Variants in GPR158 observed in about 807,000 individuals in gnomAD.
GPR158 encodes the protein metabotropic glycine receptor.
A neutral mutation model predicts 78.2 loss-of-function variants in GPR158; 30 were observed. The ratio of observed to expected loss-of-function variants is 0.38; its 90% CI spans 0.29 to 0.52. The LOEUF (loss-of-function observed/expected upper bound fraction) is 0.52, where lower values mean the gene tolerates loss of function less well. GPR158 is among the 20% of genes least tolerant of loss of function. The pLI, the probability that GPR158 is intolerant of heterozygous loss-of-function variation, is 0.83. For synonymous variants in GPR158, 581 were observed against 591.1 expected (o/e 0.98, Z 0.25); for missense variants, 1,463 against 1,523.5 (o/e 0.96, Z 0.66).
chr10:25,328,327 CTTTA>C (rs1257843660), intron 2 of GPR158, among the ~76,000 whole-genome samples: 1 of 152,116 alleles, frequency 6.6e-6, no homozygotes, highest in African/African-American at 2.4e-5. Flanking sequence ...TATTGATAAA[CTTTA>C]TTTAGTATCT....
rs1013210699 is a variant in GPR158, at chr10:25,455,357, CAG to C, written c.1336-11292_1336-11291del. The stretch of plus-strand genomic sequence containing the variant: ...TAGTTCAGCTTTTGATAAGGTTAAA[CAG>C]AATTGCTTTTAAAAAAATCTGTTAT... On this transcript the variant is annotated intron_variant, in intron 4 of 10. Coordinates refer to ENST00000376351, the MANE Select transcript of GPR158 (RefSeq NM_020752.3). Among the ~76,000 whole-genome samples, 18 of 152,264 alleles carry C rather than the reference CAG, an allele frequency of 1.2e-4. 1 individual carries two copies. Among genetic ancestry groups the C allele is most frequent in the Middle Eastern group, 3.4e-3 (1 of 294 alleles).
rs567637630 is a variant in GPR158, at chr10:25,334,199, G to A, written c.1009-61712G>A. Reference sequence around the variant, plus strand: ...AAAATGACAATTAGAAGTTAAAGTAGATGTATTTTAAGTTTTGGCATACGT... The same window carrying A: ...AAAATGACAATTAGAAGTTAAAGTAAATGTATTTTAAGTTTTGGCATACGT... On this transcript the variant is annotated intron_variant, in intron 2 of 10. Coordinates refer to ENST00000376351, the MANE Select transcript of GPR158 (RefSeq NM_020752.3). Among the ~76,000 whole-genome samples, 3 of 152,130 alleles carry A rather than the reference G, an allele frequency of 2.0e-5. No individual in the cohort carries two copies. The South Asian group carries it at 6.2e-4, about 32-fold the overall frequency.
chr10:25,249,790 C>A (rs927928454), intron 2 of GPR158, among the ~76,000 whole-genome samples: 1 of 151,914 alleles, frequency 6.6e-6, no homozygotes, highest in African/African-American at 2.4e-5. Context: ...TGTTCTGTCT[C>A]TGCCCGGCTT....
Position 25,572,655 on chromosome 10 carries a change from G to C in GPR158, c.1521G>C (p.Leu507Phe). 1 of 1,605,076 alleles carries C rather than the reference G, an allele frequency of 6.2e-7. No homozygotes were observed. The highest frequency in any genetic ancestry group is 8.5e-7 in the Non-Finnish European group (1 of 1,171,796). Residue 507 changes from leucine to phenylalanine, a missense_variant, in exon 7 of 11, where the codon TTG (leucine) becomes TTC (phenylalanine). Coordinates refer to ENST00000376351, the MANE Select transcript of GPR158 (RefSeq NM_020752.3). ...TGAACTTTTGCTTTTCTAGGGTTTT[G>C]AAGGTGTTTCTTTCACGAACGGCTC... ...GTVTLKLHRV[L>F]KVFLSRTAQR... is the part of the protein sequence containing the mutation.
chr10:25,431,760 C>CA (rs1401924234), intron 4 of GPR158, among the ~76,000 whole-genome samples: 5 of 151,794 alleles, frequency 3.3e-5, no homozygotes, highest in South Asian at 4.2e-4. Flanking sequence ...ATCGCAAGAA[C>CA]AAAAAACCAA....
At position 25,293,162 on chromosome 10, in the gene GPR158, T is replaced by C. The variant is rs139273308; in HGVS notation, c.1008+72005T>C. Among the ~76,000 whole-genome samples, 247 of 152,344 alleles carry C rather than the reference T, an allele frequency of 1.6e-3. 5 individuals carry two copies. The East Asian group carries it at 0.04, about 24-fold the overall frequency. ...TTAATTGCAAAAGTTACCTCCTTTA[T>C]ATGCTGCTGCCTTGAGTTGAGAATT... On this transcript the variant is annotated intron_variant, in intron 2 of 10. Coordinates refer to ENST00000376351, the MANE Select transcript of GPR158 (RefSeq NM_020752.3).
chr10:25,572,784 G>A lies in GPR158; in HGVS notation c.1650G>A (p.Gln550=). The change falls in exon 7 of 11, where the codon CAG becomes CAA. Residue 550 remains glutamine (Q), a synonymous_variant. Transcript: ENST00000376351. ...FLIGWTSSVC[Q]NLEKQISLIG... is the part of the protein sequence containing the mutation. Reference sequence around the variant, plus strand: ...TTGGCTGGACTTCATCTGTGTGCCAGAATTTGGAGAAACAGATTTCACTTA... The same window carrying A: ...TTGGCTGGACTTCATCTGTGTGCCAAAATTTGGAGAAACAGATTTCACTTA... 4 of 1,613,650 alleles carry A rather than the reference G, an allele frequency of 2.5e-6. No homozygotes were observed. The highest frequency in any genetic ancestry group is 3.4e-6 in the Non-Finnish European group (4 of 1,179,620).
At chr10:25,285,661 C>T (rs1854340668) in intron 2 of GPR158, among the ~76,000 whole-genome samples, 1 of 152,148 alleles carries the variant, frequency 6.6e-6, no homozygotes, top group African/African-American at 2.4e-5. Context: ...GGTACTCACC[C>T]ACTTTGAGGG....
chr10:25,532,019 G>C (rs1836430092), intron 5 of GPR158, among the ~76,000 whole-genome samples: 1 of 152,108 alleles, frequency 6.6e-6, no homozygotes, highest in Non-Finnish European at 1.5e-5. Context: ...TCTTCACAGA[G>C]GGAGACATAG....
intron 9 of GPR158, 116 bp from the exon 10 acceptor site, chr10:25,596,527 A>T: frequency 3.0e-6 from 2 of 673,824 alleles, no homozygotes; most frequent in Non-Finnish European, 5.1e-6. Context: ...AGATAGATAG[A>T]TAGATCTAGG....
chr10:25,223,354 G>T (rs1006859681), intron 2 of GPR158, among the ~76,000 whole-genome samples: 1 of 152,110 alleles, frequency 6.6e-6, no homozygotes, highest in Non-Finnish European at 1.5e-5. Flanking sequence ...GAATCTTTGT[G>T]TCGTGGGCTA....
chr10:25,371,379 A>G (rs1005863348), intron 2 of GPR158, among the ~76,000 whole-genome samples: 3 of 151,594 alleles, frequency 2.0e-5, no homozygotes, highest in East Asian at 2.0e-4. Flanking sequence ...GACAAAATCT[A>G]AAGAGCCCGC....
chr10:25,298,495 CA>C (rs1004318644), intron 2 of GPR158, among the ~76,000 whole-genome samples: 8 of 152,020 alleles, frequency 5.3e-5, no homozygotes, highest in Non-Finnish European at 7.4e-5. Flanking sequence ...TATTTTAAAT[CA>C]AAAAATGGTG....
At chr10:25,448,760 A>C (rs1835174669) in intron 4 of GPR158, among the ~76,000 whole-genome samples, 2 of 152,114 alleles carry the variant, frequency 1.3e-5, no homozygotes, top group Non-Finnish European at 2.9e-5. Flanking sequence ...TTTGCTGTAA[A>C]TCCTCTCTCA....
intron 5 of GPR158, among the ~76,000 whole-genome samples, chr10:25,487,545 T>A (rs1835751068): frequency 6.6e-6 from 1 of 152,150 alleles, no homozygotes; most frequent in Non-Finnish European, 1.5e-5. Flanking sequence ...GTTAAGGATG[T>A]GGATAGTGGA....
At chr10:25,457,192 A>G (rs1181124899) in intron 4 of GPR158, among the ~76,000 whole-genome samples, 2 of 110,512 alleles carry the variant, frequency 1.8e-5, no homozygotes, top group African/African-American at 7.4e-5. Context: ...ATGGGATTTC[A>G]CCATGTTTGC....
chr10:25,207,121 G>C (rs148548951), intron 1 of GPR158, among the ~76,000 whole-genome samples: 3 of 152,030 alleles, frequency 2.0e-5, no homozygotes, highest in African/African-American at 4.8e-5. Flanking sequence ...TCTTTGTCTG[G>C]GGGGAGACAT....
intron 1 of GPR158, among the ~76,000 whole-genome samples, chr10:25,214,894 A>G (rs904884155): frequency 1.3e-5 from 2 of 152,166 alleles, no homozygotes; most frequent in African/African-American, 2.4e-5. Context: ...TTGTGAGAAA[A>G]TAAAAGTTCT....
chr10:25,208,084 C>T (rs553740906), intron 1 of GPR158, among the ~76,000 whole-genome samples: 5 of 152,108 alleles, frequency 3.3e-5, no homozygotes, highest in Non-Finnish European at 7.3e-5. Flanking sequence ...ATAATGTTTA[C>T]CACATGGTAT....
Sources: allele counts gnomAD v4.1 joint callset (sites outside exome capture counted in the v4.1 genomes callset), GRCh38; gene constraint gnomAD v4.1.1; transcripts MANE v1.5; gene names NCBI Gene and HGNC (gene_info 2026-07-23, HGNC 2026-07-21).